Variants in OLR1 observed in about 807,000 individuals in gnomAD.
OLR1 encodes the protein oxidized low density lipoprotein receptor 1, also known as oxidized low-density lipoprotein receptor 1.
Under a neutral mutation model 31.7 loss-of-function variants are expected in OLR1, and 23 were observed. The observed-to-expected ratio is 0.72, with a 90% CI of 0.52 to 1.03. The LOEUF is 1.03. OLR1 is among the 50% of genes least tolerant of loss of function. The pLI, the probability that OLR1 is intolerant of heterozygous loss-of-function variation, is 0.00. For synonymous variants in OLR1, 117 were observed against 115.8 expected (o/e 1.01, Z -0.07); for missense variants, 286 against 315.7 (o/e 0.91, Z 0.71).
chr12:10,169,073 C>G lies in OLR1; in HGVS notation c.178+1G>C. On this transcript the variant is annotated splice_donor_variant, in intron 2 of 5. Transcript: ENST00000309539. LOFTEE classifies it high-confidence loss of function. ...CATCAGTTCCGTATTTTAGCACTTACATTGCATGCCCAGCACCATAATGGT... is the reference window on the plus strand; with the variant it reads ...CATCAGTTCCGTATTTTAGCACTTAGATTGCATGCCCAGCACCATAATGGT... 8 of 1,599,482 alleles carry G rather than the reference C, an allele frequency of 5.0e-6. No individual in the cohort carries two copies. The highest frequency in any genetic ancestry group is 6.8e-6 in the Non-Finnish European group (8 of 1,174,514).
At chr12:10,175,006 T>C (rs1483381958), upstream of OLR1, among the ~76,000 whole-genome samples, 1 of 152,230 alleles carries the variant, frequency 6.6e-6, no homozygotes, top group East Asian at 1.9e-4. Context: ...GGGTTTATCC[T>C]GTTTTTAAAG....
intron 1 of OLR1, among the ~76,000 whole-genome samples, chr12:10,171,636 C>A (rs1948718886): frequency 6.6e-6 from 1 of 152,140 alleles, no homozygotes; most frequent in South Asian, 2.1e-4. Context: ...CCTAGCTCTA[C>A]CACTTATTAG....
At chr12:10,162,011 C>T (rs937596350) in intron 3 of OLR1, among the ~76,000 whole-genome samples, 3 of 150,548 alleles carry the variant, frequency 2.0e-5, no homozygotes, top group South Asian at 2.1e-4. Flanking sequence ...TAATATAAAG[C>T]GAGGATCTCA....
upstream of OLR1, among the ~76,000 whole-genome samples, chr12:10,173,534 C>G (rs1948741105): frequency 8.0e-6 from 1 of 125,272 alleles, no homozygotes; most frequent in East Asian, 2.7e-4. Flanking sequence ...AATCTCAGCA[C>G]TTTGGGAAGC....
chr12:10,166,452 C>T (rs575317678), intron 3 of OLR1, among the ~76,000 whole-genome samples: 14 of 151,256 alleles, frequency 9.3e-5, no homozygotes, highest in African/African-American at 3.4e-4. Flanking sequence ...CACTTGAACC[C>T]AGGGGGTGGA....
chr12:10,171,201 A>G (rs1948713213), intron 1 of OLR1, among the ~76,000 whole-genome samples: 1 of 152,144 alleles, frequency 6.6e-6, no homozygotes, highest in Admixed American at 6.6e-5. Flanking sequence ...ATTGAGAGAA[A>G]TTTCTGTTTT....
At chr12:10,160,726 A>T in intron 4 of OLR1, 60 bp downstream of exon 4, 1 of 1,586,792 alleles carries the variant, frequency 6.3e-7, no homozygotes, top group East Asian at 2.3e-5. Context: ...GACAGTTTAA[A>T]CCAGATTAAT....
In OLR1 at chr12:10,165,149, A is replaced by G. The variant is rs1265033262; in HGVS notation, c.424+1563T>C. Among the ~76,000 whole-genome samples, 4 of 152,154 alleles carry G rather than the reference A, an allele frequency of 2.6e-5. No individual in the cohort carries two copies. The East Asian group carries it at 7.7e-4, about 29-fold the overall frequency. On this transcript the variant is annotated intron_variant, in intron 3 of 5. Transcript: ENST00000309539. ...GTGGTGGCGGGTGCCTCTAATCCCAACTATTCGGGAGGCTGAGGCAGGAGA... is the reference window on the plus strand; with the variant it reads ...GTGGTGGCGGGTGCCTCTAATCCCAGCTATTCGGGAGGCTGAGGCAGGAGA...
rs1486244882 is a variant in OLR1, at chr12:10,159,701, C to A, written c.*179G>T. 9 of 512,634 alleles carry A rather than the reference C, an allele frequency of 1.8e-5. No homozygotes were observed. The highest frequency in any genetic ancestry group is 3.8e-5 in the African/African-American group (2 of 53,128). The allele number at this position is 512,634 out of a possible 1,614,324, so 31.8% of individuals were successfully genotyped here. On this transcript the variant is annotated 3_prime_UTR_variant, in exon 6 of 6. Coordinates refer to ENST00000309539, the MANE Select transcript of OLR1 (RefSeq NM_002543.4). ...GTGAAATAATACAGGTAGCTAGAAT[C>A]AAAAATGTTGACATAAAGGTGCCAG...
chr12:10,173,261 A>G (rs1316888740), upstream of OLR1, among the ~76,000 whole-genome samples: 1 of 152,218 alleles, frequency 6.6e-6, no homozygotes, highest in African/African-American at 2.4e-5. Flanking sequence ...AGTATTTATA[A>G]GCAAAATGAT....
upstream of OLR1, among the ~76,000 whole-genome samples, chr12:10,175,757 G>C (rs1211064661): frequency 6.6e-6 from 1 of 152,176 alleles, no homozygotes; most frequent in Non-Finnish European, 1.5e-5. Context: ...ATTTATTTTT[G>C]AAATCAGGGC....
At chr12:10,161,257 G>C (rs1002020855) in intron 3 of OLR1, among the ~76,000 whole-genome samples, 3 of 152,096 alleles carry the variant, frequency 2.0e-5, no homozygotes, top group Non-Finnish European at 4.4e-5. Flanking sequence ...ACTGATTTTA[G>C]CAACCTAAAT....
chr12:10,160,256 A>C, intron 5 of OLR1, 91 bp downstream of exon 5: 1 of 1,053,722 alleles, frequency 9.5e-7, no homozygotes, highest in Non-Finnish European at 1.4e-6. Flanking sequence ...AGAAGAGGAC[A>C]TTGGTGGGAT....
At chr12:10,168,567 C>T (rs1301538305) in intron 2 of OLR1, among the ~76,000 whole-genome samples, 1 of 152,154 alleles carries the variant, frequency 6.6e-6, no homozygotes, top group Non-Finnish European at 1.5e-5. Context: ...AGTCTCAGCT[C>T]ACTGCAAATT....
upstream of OLR1, among the ~76,000 whole-genome samples, chr12:10,172,957 C>T (rs980958906): frequency 2.6e-5 from 4 of 152,078 alleles, no homozygotes; most frequent in African/African-American, 4.8e-5. Flanking sequence ...AAAAATGTCA[C>T]GTTGCTATAG....
At chr12:10,169,598 C>T (rs1218541947) in intron 1 of OLR1, among the ~76,000 whole-genome samples, 1 of 152,176 alleles carries the variant, frequency 6.6e-6, no homozygotes, top group African/African-American at 2.4e-5. Context: ...ACCACGTGTA[C>T]ACATGTGCAC....
At chr12:10,174,325 A>G (rs560402979), upstream of OLR1, among the ~76,000 whole-genome samples, 4 of 152,260 alleles carry the variant, frequency 2.6e-5, no homozygotes, top group East Asian at 7.7e-4. Flanking sequence ...AGCCTCCCAC[A>G]GTGCTGGGAT....
chr12:10,168,386 C>A (rs1167463682), intron 2 of OLR1, among the ~76,000 whole-genome samples: 1 of 152,214 alleles, frequency 6.6e-6, no homozygotes, highest in East Asian at 1.9e-4. Context: ...AATAAAATTT[C>A]TTTTACTTTT....
upstream of OLR1, among the ~76,000 whole-genome samples, chr12:10,173,009 C>G (rs1239434054): frequency 6.6e-6 from 1 of 152,110 alleles, no homozygotes; most frequent in East Asian, 1.9e-4. Context: ...AAGCTTTGTA[C>G]TTGGAGCATA....
Sources: gnomAD v4.1 joint callset for allele counts (sites outside exome capture counted in the v4.1 genomes callset) on GRCh38, gnomAD v4.1.1 for gene constraint, MANE v1.5 for transcripts, NCBI Gene and HGNC (gene_info 2026-07-23, HGNC 2026-07-21) for gene names.